PCDHA6: variants seen among roughly 807,000 people sequenced by gnomAD.
PCDHA6 encodes protocadherin alpha 6.
In PCDHA6, 55 loss-of-function variants were observed where a neutral mutation model predicts 60.3. The observed-to-expected ratio is 0.91, with a 90% CI of 0.73 to 1.14. The LOEUF (loss-of-function observed/expected upper bound fraction) is 1.14. Among genes scored for constraint, PCDHA6 ranks in the 50% most tolerant of loss-of-function variants. PCDHA6 has a pLI of 0.00. For synonymous variants in PCDHA6, 652 were observed against 557.9 expected (o/e 1.17, Z -2.38); for missense variants, 1,327 against 1,256.5 (o/e 1.06, Z -0.85).
chr5:141,003,411 G>A (rs537266386), intron 3 of PCDHA6, among the ~76,000 whole-genome samples: 4 of 152,092 alleles, frequency 2.6e-5, no homozygotes, highest in Non-Finnish European at 4.4e-5. Context: ...TCCCGGGTTC[G>A]AGTGATTCTT....
At chr5:140,942,109 A>G (rs534603504) in intron 1 of PCDHA6, among the ~76,000 whole-genome samples, 55 of 152,334 alleles carry the variant, frequency 3.6e-4, no homozygotes, top group African/African-American at 1.3e-3. Flanking sequence ...CATATAATCA[A>G]ACTTTATTAA....
chr5:140,966,330 G>A, intron 1 of PCDHA6: 2 of 393,050 alleles, frequency 5.1e-6, no homozygotes, highest in Non-Finnish European at 9.0e-6. Context: ...CTGGGATCCG[G>A]CAGGTCCAGG....
At position 140,887,760 on chromosome 5, in the gene PCDHA6, A is replaced by AT. The variant is rs1233050056; in HGVS notation, c.2394+57276dup. On this transcript the variant is annotated intron_variant, in intron 1 of 3. Coordinates refer to ENST00000529310, the MANE Select transcript of PCDHA6 (RefSeq NM_018909.4). Reference sequence around the variant, plus strand: ...CCTTTCTGAGACTCCAGTAACACATATGTTACAATGACACAGGTCATTGAA... The same window carrying AT: ...CCTTTCTGAGACTCCAGTAACACATATTGTTACAATGACACAGGTCATTGAA... Among the ~76,000 whole-genome samples, 21 of 152,264 alleles carry AT rather than the reference A, an allele frequency of 1.4e-4. No individual in the cohort carries two copies. In the East Asian group the frequency reaches 4.1e-3, roughly 29 times the overall value.
rs2150375688 is a variant in PCDHA6, at chr5:140,844,999, T to C, written c.2394+14514T>C. 8.7e-5 allele frequency among the ~76,000 whole-genome samples: 13 copies of C among 149,338 alleles called. 1 individual carries two copies. Among genetic ancestry groups the C allele is most frequent in the African/African-American group, 4.9e-5 (2 of 40,784 alleles). ...TTGTTTTAAATCTTTTAATCACTTA[T>C]GAACAAATAATGTAATCATTTATGG... On this transcript the variant is annotated intron_variant, in intron 1 of 3. Transcript: ENST00000529310.
intron 3 of PCDHA6, among the ~76,000 whole-genome samples, chr5:140,988,509 TA>T (rs2097301045): frequency 6.6e-6 from 1 of 152,170 alleles, no homozygotes; most frequent in Non-Finnish European, 1.5e-5. Flanking sequence ...CCATGAAGCT[TA>T]CTTAAGTCTC....
intron 1 of PCDHA6, chr5:140,842,145 G>T (rs2150330392): frequency 6.2e-7 from 1 of 1,613,710 alleles, no homozygotes; most frequent in Non-Finnish European, 8.5e-7. Context: ...GGAGCCAATG[G>T]GGCAATTTCA....
At chr5:140,899,512 G>T (rs4386771) in intron 1 of PCDHA6, among the ~76,000 whole-genome samples, 1 of 152,040 alleles carries the variant, frequency 6.6e-6, no homozygotes, top group African/African-American at 2.4e-5. Flanking sequence ...TGCATATATT[G>T]CATCCCAGGG....
chr5:140,947,763 AAT>A (rs1396909113), intron 1 of PCDHA6, among the ~76,000 whole-genome samples: 1 of 151,658 alleles, frequency 6.6e-6, no homozygotes, highest in Non-Finnish European at 1.5e-5. Flanking sequence ...TGGTTTAAAA[AAT>A]TCTATTGTAA....
At chr5:140,915,273 A>C (rs2077054431) in intron 1 of PCDHA6, among the ~76,000 whole-genome samples, 1 of 152,090 alleles carries the variant, frequency 6.6e-6, no homozygotes, top group South Asian at 2.1e-4. Flanking sequence ...TGACCAGTTC[A>C]TCATTTACTC....
intron 1 of PCDHA6, among the ~76,000 whole-genome samples, chr5:140,895,413 C>G (rs141941836): frequency 6.6e-6 from 1 of 152,122 alleles, no homozygotes; most frequent in Non-Finnish European, 1.5e-5. Flanking sequence ...GCCCCATAAC[C>G]TTCTTTTGCT....
At chr5:140,994,753 G>T (rs143791883) in intron 3 of PCDHA6, among the ~76,000 whole-genome samples, 6 of 152,252 alleles carry the variant, frequency 3.9e-5, no homozygotes, top group Non-Finnish European at 7.3e-5. Context: ...AGTAGGATGT[G>T]GAGAGGAAGA....
rs2150277025 is a variant in PCDHA6, at chr5:140,837,589, G to A, written c.2394+7104G>A. Among the ~76,000 whole-genome samples the A allele has an allele frequency of 4.8e-4, 73 of 151,324 alleles. 1 individual carries two copies. Among genetic ancestry groups the A allele is most frequent in the Admixed American group, 7.9e-4 (12 of 15,168 alleles). On this transcript the variant is annotated intron_variant, in intron 1 of 3. Coordinates refer to ENST00000529310, the MANE Select transcript of PCDHA6 (RefSeq NM_018909.4). ...ATTTACAATCACCAAATTGTAAATCGCCAATATATATATTTTATAATTTGC... is the reference window on the plus strand; with the variant it reads ...ATTTACAATCACCAAATTGTAAATCACCAATATATATATTTTATAATTTGC...
In PCDHA6 at chr5:140,843,436, C is replaced by T; in HGVS notation, c.2394+12951C>T. On this transcript the variant is annotated intron_variant, in intron 1 of 3. Coordinates refer to ENST00000529310, the MANE Select transcript of PCDHA6 (RefSeq NM_018909.4). ...ACGTGTACCTGATCATCGCCATCTG[C>T]GCGGTATCCAGCCTGCTGGTGCTCA... 2.5e-6 allele frequency: 4 copies of T among 1,596,080 alleles called. 1 individual carries two copies. The highest frequency in any genetic ancestry group is 3.4e-6 in the Non-Finnish European group (4 of 1,165,610).
chr5:140,929,681 AAG>A, intron 1 of PCDHA6: 1 of 302,408 alleles, frequency 3.3e-6, no homozygotes, highest in Non-Finnish European at 6.3e-6. Flanking sequence ...AAAAATATGT[AAG>A]AGTCTGCTTT....
chr5:140,875,946 T>C, intron 1 of PCDHA6: 1 of 1,614,222 alleles, frequency 6.2e-7, no homozygotes, highest in Admixed American at 1.7e-5. Context: ...AGGGCGCTTC[T>C]GATGCGGATA....
intron 1 of PCDHA6, chr5:140,856,390 G>C: frequency 6.3e-7 from 1 of 1,598,554 alleles, no homozygotes; most frequent in South Asian, 1.1e-5. Flanking sequence ...GGCCGCTGCA[G>C]GTTTTCCATG....
chr5:140,869,442 G>A (rs782686984), intron 1 of PCDHA6: 3 of 1,614,208 alleles, frequency 1.9e-6, no homozygotes, highest in African/African-American at 1.3e-5. Flanking sequence ...TGGACAGGCC[G>A]CTGCAGGTTT....
chr5:140,849,562 C>T, intron 1 of PCDHA6: 2 of 1,598,556 alleles, frequency 1.3e-6, no homozygotes, highest in Non-Finnish European at 1.7e-6. Context: ...AAAACGCTCT[C>T]GGTTCCTGTA....
At chr5:140,906,807 A>G (rs2072952420) in intron 1 of PCDHA6, among the ~76,000 whole-genome samples, 1 of 152,004 alleles carries the variant, frequency 6.6e-6, no homozygotes, top group African/African-American at 2.4e-5. Flanking sequence ...ACTCTTCCTT[A>G]CCTCCACTGT....
Sources: gnomAD v4.1 joint callset for allele counts (sites outside exome capture counted in the v4.1 genomes callset) on GRCh38, gnomAD v4.1.1 for gene constraint, MANE v1.5 for transcripts, NCBI Gene and HGNC (gene_info 2026-07-23, HGNC 2026-07-21) for gene names.